EXOC2: variants seen among roughly 807,000 people sequenced by gnomAD.
The protein encoded by EXOC2 is exocyst complex component 2.
A neutral mutation model predicts 131.8 loss-of-function variants in EXOC2; 70 were observed. That is an observed-to-expected ratio of 0.53 (90% CI 0.44 to 0.65). EXOC2 has a LOEUF of 0.65. Ranked by LOEUF, EXOC2 falls within the 30% of genes least tolerant of loss-of-function variation. The pLI is 0.00. For synonymous variants in EXOC2, 411 were observed against 398.4 expected (o/e 1.03, Z -0.38); for missense variants, 923 against 1,108.6 (o/e 0.83, Z 2.38).
At chr6:563,960 T>A (rs1212964973) in intron 16 of EXOC2, 73 bp downstream of exon 16, 1 of 1,563,400 alleles carries the variant, frequency 6.4e-7, no homozygotes, top group Non-Finnish European at 8.7e-7. Context: ...TTTCAAGGAT[T>A]TGGACACTGA....
At chr6:576,906 C>G (rs1202805445) in intron 11 of EXOC2, 24 bp from the exon 12 acceptor site, 2 of 1,611,700 alleles carry the variant, frequency 1.2e-6, no homozygotes, top group Non-Finnish European at 1.7e-6. Context: ...GAGAGATATA[C>G]AGAGTATATA....
intron 24 of EXOC2, among the ~76,000 whole-genome samples, chr6:498,979 C>CA (rs1763889099): frequency 6.6e-6 from 1 of 152,212 alleles, no homozygotes; most frequent in African/African-American, 2.4e-5. Context: ...AGCCATAGAT[C>CA]ATGGTGGTAG....
At chr6:538,695 C>T (rs940138767) in intron 22 of EXOC2, among the ~76,000 whole-genome samples, 1 of 152,134 alleles carries the variant, frequency 6.6e-6, no homozygotes, top group Non-Finnish European at 1.5e-5. Flanking sequence ...CATGATTTTC[C>T]CACTTTACCA....
chr6:497,858 T>G (rs1763832432), intron 24 of EXOC2, among the ~76,000 whole-genome samples: 1 of 152,170 alleles, frequency 6.6e-6, no homozygotes, highest in Admixed American at 6.5e-5. Context: ...TTACCACAAT[T>G]TAAAAAAATA....
At chr6:567,640 T>C (rs938492349) in intron 13 of EXOC2, among the ~76,000 whole-genome samples, 5 of 152,136 alleles carry the variant, frequency 3.3e-5, no homozygotes, top group African/African-American at 4.8e-5. Flanking sequence ...TAATGTTTCA[T>C]ACATGTCTAC....
intron 11 of EXOC2, among the ~76,000 whole-genome samples, chr6:584,614 C>T (rs1269017836): frequency 1.3e-5 from 2 of 152,196 alleles, no homozygotes; most frequent in South Asian, 2.1e-4. Flanking sequence ...TGTGAAGACT[C>T]GAAATAAACC....
intron 1 of EXOC2, among the ~76,000 whole-genome samples, chr6:645,567 A>C (rs747766573): frequency 1.2e-4 from 17 of 146,214 alleles, no homozygotes; most frequent in Non-Finnish European, 2.3e-4. Context: ...GAACTTTTGC[A>C]ATCTGATAAC....
At chr6:504,123 C>T (rs1480703967) in intron 23 of EXOC2, among the ~76,000 whole-genome samples, 1 of 152,148 alleles carries the variant, frequency 6.6e-6, no homozygotes, top group Non-Finnish European at 1.5e-5. Flanking sequence ...CGTGCTTTCC[C>T]GACTGGGCAG....
intron 2 of EXOC2, among the ~76,000 whole-genome samples, chr6:636,712 G>A (rs1762118002): frequency 6.6e-6 from 1 of 152,160 alleles, no homozygotes; most frequent in African/African-American, 2.4e-5. Flanking sequence ...AAATGTAAAT[G>A]GGAAGCCAGA....
intron 24 of EXOC2, 110 bp downstream of exon 24, chr6:499,535 C>A: frequency 1.2e-6 from 1 of 866,944 alleles, no homozygotes; most frequent in South Asian, 1.6e-5. Flanking sequence ...ATACCCAAGA[C>A]ACATTCTGAG....
chr6:493,836 T>G (rs1763571953), intron 25 of EXOC2, among the ~76,000 whole-genome samples: 1 of 152,224 alleles, frequency 6.6e-6, no homozygotes, highest in Non-Finnish European at 1.5e-5. Context: ...AACAGTTTGA[T>G]GGCCAGTAGT....
chr6:664,980 C>G (rs1368775285), intron 1 of EXOC2, among the ~76,000 whole-genome samples: 2 of 151,958 alleles, frequency 1.3e-5, no homozygotes, highest in Non-Finnish European at 2.9e-5. Flanking sequence ...GCAAAAGAAA[C>G]AGCAGAGTAA....
intron 10 of EXOC2, among the ~76,000 whole-genome samples, chr6:596,462 G>A (rs1299619300): frequency 4.0e-5 from 6 of 150,336 alleles, no homozygotes; most frequent in Non-Finnish European, 8.8e-5. Context: ...CGAACTCCTG[G>A]GCTCAAGAGA....
chr6:487,370 G>A (rs192564736), intron 27 of EXOC2, among the ~76,000 whole-genome samples: 124 of 152,254 alleles, frequency 8.1e-4, no homozygotes, highest in African/African-American at 1.7e-3. Context: ...GCCTGATATC[G>A]CAATCTGTTT....
At chr6:537,409 C>T (rs1237489833) in intron 22 of EXOC2, among the ~76,000 whole-genome samples, 16 of 150,050 alleles carry the variant, frequency 1.1e-4, no homozygotes, top group African/African-American at 2.9e-4. Flanking sequence ...AGTTCATGAC[C>T]GACGGAGCGT....
intron 17 of EXOC2, among the ~76,000 whole-genome samples, chr6:561,162 A>G (rs1757680948): frequency 6.6e-6 from 1 of 152,264 alleles, no homozygotes; most frequent in Non-Finnish European, 1.5e-5. Context: ...AAAGTAAGGT[A>G]CAATGATATA....
chr6:653,681 G>A (rs986701586), intron 1 of EXOC2, among the ~76,000 whole-genome samples: 1 of 152,370 alleles, frequency 6.6e-6, no homozygotes, highest in East Asian at 1.9e-4. Flanking sequence ...TGCAGAAGCT[G>A]CAGCAAGTTA....
intron 23 of EXOC2, among the ~76,000 whole-genome samples, chr6:526,128 T>C (rs866678416): frequency 3.3e-5 from 5 of 152,210 alleles, no homozygotes; most frequent in African/African-American, 1.2e-4. Context: ...TACATATAAA[T>C]GTGTGCATAC....
chr6:672,571 A>G (rs1466242088), intron 1 of EXOC2, among the ~76,000 whole-genome samples: 1 of 152,260 alleles, frequency 6.6e-6, no homozygotes, highest in East Asian at 1.9e-4. Flanking sequence ...AGGCTTCTGC[A>G]CTAAGAAGTT....
Sources: allele counts gnomAD v4.1 joint callset (sites outside exome capture counted in the v4.1 genomes callset), GRCh38; gene constraint gnomAD v4.1.1; transcripts MANE v1.5; gene names NCBI Gene and HGNC (gene_info 2026-07-23, HGNC 2026-07-21).